Variants in ANO2 observed in about 807,000 individuals in gnomAD.
ANO2 encodes anoctamin 2.
Under a neutral mutation model 124.2 loss-of-function variants are expected in ANO2, and 101 were observed. That is an observed-to-expected ratio of 0.81 (90% confidence interval 0.69 to 0.96). ANO2 has a LOEUF of 0.96. ANO2 is among the 40% of genes least tolerant of loss of function. The pLI is 0.00. For missense variants in ANO2, 1,293 were observed against 1,274.5 expected (o/e 1.01, Z -0.22); for synonymous variants, 486 against 482.5 (o/e 1.01, Z -0.09).
chr12:5,802,425 G>A (rs915367439), intron 9 of ANO2, among the ~76,000 whole-genome samples: 3 of 152,220 alleles, frequency 2.0e-5, no homozygotes, highest in Admixed American at 6.5e-5. Flanking sequence ...CAGCAATTAC[G>A]CCTGGATGCC....
chr12:5,737,572 C>T (rs1306790993), intron 13 of ANO2, among the ~76,000 whole-genome samples: 1 of 152,172 alleles, frequency 6.6e-6, no homozygotes, highest in East Asian at 1.9e-4. Flanking sequence ...GTCTCTGGCC[C>T]CACACAGGCT....
chr12:5,914,973 A>G (rs1941295479), intron 3 of ANO2, among the ~76,000 whole-genome samples: 1 of 152,182 alleles, frequency 6.6e-6, no homozygotes, highest in Admixed American at 6.5e-5. Flanking sequence ...TGGGCCGACC[A>G]GACCTCCCCA....
intron 14 of ANO2, 126 bp downstream of exon 14, chr12:5,732,394 A>G: frequency 1.4e-6 from 1 of 714,264 alleles, no homozygotes; most frequent in Admixed American, 2.8e-5. Flanking sequence ...TCATGCTCTC[A>G]TCTCATCCTG....
intron 20 of ANO2, among the ~76,000 whole-genome samples, chr12:5,597,272 C>T (rs1943710083): frequency 6.6e-6 from 1 of 152,024 alleles, no homozygotes; most frequent in African/African-American, 2.4e-5. Flanking sequence ...CTGATGGGCC[C>T]CAGTGTGTGT....
At chr12:5,742,280 T>C (rs146708558) in intron 12 of ANO2, among the ~76,000 whole-genome samples, 1 of 152,230 alleles carries the variant, frequency 6.6e-6, no homozygotes, top group South Asian at 2.1e-4. Flanking sequence ...GGCATTACTA[T>C]TATTTTTAAT....
chr12:5,943,020 T>A (rs1228778254), intron 1 of ANO2, among the ~76,000 whole-genome samples: 1 of 152,202 alleles, frequency 6.6e-6, no homozygotes, highest in East Asian at 1.9e-4. Context: ...CTGCTGAGAA[T>A]GTAAACTAGT....
At chr12:5,827,472 T>G (rs1403469436) in intron 7 of ANO2, among the ~76,000 whole-genome samples, 3 of 152,088 alleles carry the variant, frequency 2.0e-5, no homozygotes, top group Admixed American at 1.3e-4. Flanking sequence ...AGCCGCAGAA[T>G]TATCCGGATA....
intron 3 of ANO2, among the ~76,000 whole-genome samples, chr12:5,914,066 GTT>G (rs1464154433): frequency 1.3e-5 from 2 of 152,128 alleles, no homozygotes; most frequent in Admixed American, 6.5e-5. Flanking sequence ...TGGGCATGGT[GTT>G]GTGCACCTGT....
chr12:5,589,292 A>G (rs1209579960), intron 20 of ANO2, among the ~76,000 whole-genome samples: 2 of 151,994 alleles, frequency 1.3e-5, no homozygotes, highest in African/African-American at 4.8e-5. Context: ...AGTGCCTAAT[A>G]GGCCTGGGAT....
intron 21 of ANO2, 128 bp from the exon 22 acceptor site, chr12:5,578,135 C>T: frequency 3.1e-6 from 4 of 1,304,450 alleles, no homozygotes; most frequent in East Asian, 2.3e-5. Flanking sequence ...CCAGAATGGG[C>T]TTGTCTGGAA....
chr12:5,582,558 G>T (rs910831146), intron 20 of ANO2, among the ~76,000 whole-genome samples: 1 of 152,166 alleles, frequency 6.6e-6, no homozygotes, highest in Non-Finnish European at 1.5e-5. Context: ...GGACTTGCCA[G>T]GATTGGTGGA....
At chr12:5,724,543 C>T (rs775607287) in intron 14 of ANO2, among the ~76,000 whole-genome samples, 16 of 152,192 alleles carry the variant, frequency 1.1e-4, no homozygotes, top group Admixed American at 2.0e-4. Context: ...TCACAGCCTC[C>T]GCAAAGGCCC....
At chr12:5,879,730 C>T (rs978637858) in intron 3 of ANO2, among the ~76,000 whole-genome samples, 39 of 152,140 alleles carry the variant, frequency 2.6e-4, no homozygotes, top group African/African-American at 9.2e-4. Flanking sequence ...CAAGAAGCAG[C>T]ATGACAAGTG....
In ANO2 at chr12:5,926,512, C is replaced by T. The variant is rs1319325812; in HGVS notation, c.23-3708G>A. 5.3e-5 allele frequency among the ~76,000 whole-genome samples: 8 copies of T among 152,316 alleles called. 1 individual carries two copies. In the South Asian group the frequency reaches 1.2e-3, roughly 24 times the overall value. On this transcript the variant is annotated intron_variant, in intron 1 of 24. Transcript: ENST00000682330. Reference sequence around the variant, plus strand: ...CTCCCTGGGGTCCCGCCATACACCTCTGCTCTAGCACACCAGCTCCCCAGC... The same window carrying T: ...CTCCCTGGGGTCCCGCCATACACCTTTGCTCTAGCACACCAGCTCCCCAGC...
At chr12:5,807,232 C>T in intron 8 of ANO2, 81 bp downstream of exon 8, 18 of 1,254,396 alleles carry the variant, frequency 1.4e-5, no homozygotes, top group Non-Finnish European at 2.0e-5. Flanking sequence ...CAGGTATTCA[C>T]CCATCTCACT....
At chr12:5,723,537 A>G (rs1042120447) in intron 14 of ANO2, among the ~76,000 whole-genome samples, 118 of 127,416 alleles carry the variant, frequency 9.3e-4, no homozygotes, top group Non-Finnish European at 1.7e-3. Flanking sequence ...GGGGTGCCCC[A>G]GGGAGTGACT....
At chr12:5,791,724 A>T (rs1030301158) in intron 10 of ANO2, among the ~76,000 whole-genome samples, 1 of 152,212 alleles carries the variant, frequency 6.6e-6, no homozygotes, top group Non-Finnish European at 1.5e-5. Context: ...AATGAAGATA[A>T]GAATACCCAC....
At chr12:5,717,995 C>A (rs757929594) in intron 14 of ANO2, among the ~76,000 whole-genome samples, 1 of 152,170 alleles carries the variant, frequency 6.6e-6, no homozygotes, top group Non-Finnish European at 1.5e-5. Context: ...TTTGGAGAAT[C>A]AGTAAGGAAA....
At chr12:5,736,504 G>GA (rs957221162) in intron 13 of ANO2, among the ~76,000 whole-genome samples, 5 of 152,124 alleles carry the variant, frequency 3.3e-5, no homozygotes, top group African/African-American at 1.2e-4. Context: ...GGTTAAAATA[G>GA]AAAAAACTTC....
Sources: allele counts gnomAD v4.1 joint callset (sites outside exome capture counted in the v4.1 genomes callset), GRCh38; gene constraint gnomAD v4.1.1; transcripts MANE v1.5; gene names NCBI Gene and HGNC (gene_info 2026-07-23, HGNC 2026-07-21).